The following PRKD1 variants were observed in gnomAD, a reference collection of about 807,000 sequenced individuals.
The protein encoded by PRKD1 is protein kinase D1.
A neutral mutation model predicts 95.9 loss-of-function variants in PRKD1; 63 were observed. That is an observed-to-expected ratio of 0.66 (90% CI 0.54 to 0.81). The LOEUF is 0.81. PRKD1 is among the 30% of genes least tolerant of loss of function. The pLI is 0.00. For synonymous variants in PRKD1, 425 were observed against 423.1 expected, an observed-to-expected ratio of 1.00 and a Z score of -0.05; for missense variants, 1,048 against 1,165.3, an observed-to-expected ratio of 0.90 and a Z score of 1.47.
At position 29,656,420 on chromosome 14, in the gene PRKD1, T is replaced by A. The variant is rs977210294; in HGVS notation, c.696+7279A>T. On this transcript the variant is annotated intron_variant, in intron 4 of 17. Coordinates refer to ENST00000331968, the MANE Select transcript of PRKD1 (RefSeq NM_002742.3). ...ATTGTCTGATGTCAGCGTAATATGC[T>A]GGTTTGAAAAAGACAGTGAAGCAAA... 1.1e-5 allele frequency: 16 copies of A among 1,453,278 alleles called. No homozygotes were observed. In the Middle Eastern group the frequency reaches 1.0e-3, roughly 93 times the overall value. 90.0% of individuals were successfully genotyped at this position (1,453,278 alleles called of 1,614,324 possible).
intron 1 of PRKD1, among the ~76,000 whole-genome samples, chr14:29,797,599 T>C (rs1413141326): frequency 6.6e-6 from 1 of 152,140 alleles, no homozygotes; most frequent in Admixed American, 6.5e-5. Flanking sequence ...TCATAACAGG[T>C]AATTAATTCA....
At chr14:29,806,687 TAAAG>T (rs2139232053) in intron 1 of PRKD1, among the ~76,000 whole-genome samples, 1 of 152,200 alleles carries the variant, frequency 6.6e-6, no homozygotes, top group African/African-American at 2.4e-5. Flanking sequence ...ACTGAAAACT[TAAAG>T]AAAAGAAAAA....
chr14:29,810,718 A>G (rs558088380), intron 1 of PRKD1, among the ~76,000 whole-genome samples: 1 of 152,360 alleles, frequency 6.6e-6, no homozygotes, highest in East Asian at 1.9e-4. Flanking sequence ...TCCAGGTGGC[A>G]GGCACCTGCT....
At chr14:29,715,542 T>C (rs1384816366) in intron 2 of PRKD1, among the ~76,000 whole-genome samples, 2 of 152,196 alleles carry the variant, frequency 1.3e-5, no homozygotes, top group African/African-American at 4.8e-5. Context: ...TGGAATTTCA[T>C]GCTTTTGTAA....
At chr14:29,865,277 C>T (rs1214176303) in intron 1 of PRKD1, among the ~76,000 whole-genome samples, 2 of 152,132 alleles carry the variant, frequency 1.3e-5, no homozygotes, top group Non-Finnish European at 2.9e-5. Flanking sequence ...AGAATAGGCA[C>T]TGAATAAACA....
intron 13 of PRKD1, 115 bp downstream of exon 13, chr14:29,624,037 T>G (rs1879453070): frequency 1.5e-6 from 1 of 675,254 alleles, no homozygotes; most frequent in Non-Finnish European, 2.4e-6. Flanking sequence ...TCAATTATTT[T>G]AAAGTGTTCC....
chr14:29,814,961 C>A (rs1212099886), intron 1 of PRKD1, among the ~76,000 whole-genome samples: 1 of 152,168 alleles, frequency 6.6e-6, no homozygotes, highest in Non-Finnish European at 1.5e-5. Context: ...AGGAAGATGA[C>A]AGAATGCACG....
At chr14:29,649,779 G>GT (rs1881371505) in intron 4 of PRKD1, among the ~76,000 whole-genome samples, 1 of 152,150 alleles carries the variant, frequency 6.6e-6, no homozygotes, top group Non-Finnish European at 1.5e-5. Flanking sequence ...CTTTTTTAAA[G>GT]TTTTTTAATA....
At chr14:29,699,921 G>A (rs1366668972) in intron 2 of PRKD1, among the ~76,000 whole-genome samples, 1 of 152,086 alleles carries the variant, frequency 6.6e-6, no homozygotes, top group East Asian at 1.9e-4. Context: ...ATCTGGAAGA[G>A]TAAGTGCTCC....
At chr14:29,821,871 C>A in intron 1 of PRKD1, among the ~76,000 whole-genome samples, 1 of 152,062 alleles carries the variant, frequency 6.6e-6, no homozygotes, top group Admixed American at 6.5e-5. Context: ...CCTGCACACA[C>A]ACACCCACAC....
At chr14:29,787,542 T>C (rs184702429) in intron 1 of PRKD1, among the ~76,000 whole-genome samples, 143 of 152,244 alleles carry the variant, frequency 9.4e-4, no homozygotes, top group Non-Finnish European at 1.7e-3. Context: ...ACAACTGTTA[T>C]ACCCTCACGC....
At chr14:29,790,002 GTTGTCTTTT>G (rs1889461927) in intron 1 of PRKD1, among the ~76,000 whole-genome samples, 1 of 141,340 alleles carries the variant, frequency 7.1e-6, no homozygotes, top group Admixed American at 7.1e-5. Context: ...TACCAAGCAA[GTTGTCTTTT>G]TTTTTTTTTT....
At chr14:29,605,332 GCTC>G (rs1893665738) in intron 13 of PRKD1, among the ~76,000 whole-genome samples, 1 of 152,090 alleles carries the variant, frequency 6.6e-6, no homozygotes, top group Non-Finnish European at 1.5e-5. Context: ...TTCAAAATCA[GCTC>G]CTTTTTCTCT....
chr14:29,660,959 A>G (rs544194124), intron 4 of PRKD1, among the ~76,000 whole-genome samples: 17 of 152,164 alleles, frequency 1.1e-4, no homozygotes, highest in Non-Finnish European at 1.6e-4. Context: ...TTATAAATTG[A>G]CCACATCTTG....
chr14:29,746,294 C>A (rs1887215665), intron 1 of PRKD1, among the ~76,000 whole-genome samples: 1 of 152,086 alleles, frequency 6.6e-6, no homozygotes, highest in South Asian at 2.1e-4. Context: ...GATAACCACA[C>A]CAACTTGGCT....
At chr14:29,875,400 T>C (rs1368161200) in intron 1 of PRKD1, among the ~76,000 whole-genome samples, 1 of 152,220 alleles carries the variant, frequency 6.6e-6, no homozygotes, top group African/African-American at 2.4e-5. Context: ...AATATCATAA[T>C]ATTTGCATGT....
intron 1 of PRKD1, among the ~76,000 whole-genome samples, chr14:29,731,807 AGTT>A (rs1326303380): frequency 6.6e-6 from 1 of 151,742 alleles, no homozygotes; most frequent in Non-Finnish European, 1.5e-5. Flanking sequence ...GTCTTTATAA[AGTT>A]GTTGTACACA....
Position 29,605,568 on chromosome 14 carries a change from G to A in PRKD1, c.1906-5751C>T, listed in dbSNP as rs78787845. Among the ~76,000 whole-genome samples, 64 of 152,256 alleles carry A rather than the reference G, an allele frequency of 4.2e-4. No individual in the cohort carries two copies. In the East Asian group the frequency reaches 9.1e-3, roughly 22 times the overall value. ...TCTTGGATGTCTCTCTACTCTCAGA[G>A]TCTTTGCTATAATCCCCTTTCATAA... On this transcript the variant is annotated intron_variant, in intron 13 of 17. Transcript: ENST00000331968.
chr14:29,635,665 T>C (rs934740585), intron 7 of PRKD1, among the ~76,000 whole-genome samples: 4 of 152,168 alleles, frequency 2.6e-5, no homozygotes, highest in Admixed American at 2.6e-4. Flanking sequence ...GACCTAACTT[T>C]ACCAATATAG....
Sources: gnomAD v4.1 joint callset for allele counts (sites outside exome capture counted in the v4.1 genomes callset) on GRCh38, gnomAD v4.1.1 for gene constraint, MANE v1.5 for transcripts, NCBI Gene and HGNC (gene_info 2026-07-23, HGNC 2026-07-21) for gene names.